VMP1: variants seen among roughly 807,000 people sequenced by gnomAD.
VMP1 encodes the protein vacuole membrane protein 1, also known as ectopic P-granules autophagy protein 3 homolog.
VMP1 carries 11 observed loss-of-function variants against 56.0 expected under a neutral mutation model. The observed-to-expected ratio is 0.20, with a 90% CI of 0.12 to 0.32. VMP1 has a LOEUF of 0.32. Ranked by LOEUF, VMP1 falls within the 10% of genes least tolerant of loss-of-function variation. The pLI, the probability that VMP1 is intolerant of heterozygous loss-of-function variation, is 1.00. For synonymous variants in VMP1, 149 were observed against 165.0 expected (o/e 0.90, Z 0.74); for missense variants, 296 against 490.3 (o/e 0.60, Z 3.74).
chr17:59,738,789 A>G (rs769712458), intron 4 of VMP1, 48 bp from the exon 5 acceptor site: 3 of 1,299,952 alleles, frequency 2.3e-6, no homozygotes, highest in Non-Finnish European at 2.2e-6. Flanking sequence ...TAAATACCGC[A>G]TTTCTGTATA....
At chr17:59,733,559 G>A (rs768321349) in intron 2 of VMP1, among the ~76,000 whole-genome samples, 20 of 152,010 alleles carry the variant, frequency 1.3e-4, no homozygotes, top group African/African-American at 3.9e-4. Context: ...AAAACTAGCC[G>A]GGCGTGGTGG....
chr17:59,830,328 G>A (rs576564279), intron 10 of VMP1, among the ~76,000 whole-genome samples: 37 of 152,234 alleles, frequency 2.4e-4, no homozygotes, highest in African/African-American at 7.7e-4. Context: ...CTCCCAAAGT[G>A]CTGGGATTAC....
intron 4 of VMP1, 60 bp from the exon 5 acceptor site, chr17:59,738,777 T>C: frequency 8.3e-7 from 1 of 1,203,600 alleles, no homozygotes; most frequent in African/African-American, 1.5e-5. Flanking sequence ...GATGATGGTT[T>C]ATAAATACCG....
chr17:59,747,774 C>A (rs1156460087), intron 5 of VMP1, among the ~76,000 whole-genome samples: 6 of 151,630 alleles, frequency 4.0e-5, no homozygotes, highest in Non-Finnish European at 8.8e-5. Flanking sequence ...GAACACCTAT[C>A]GTCCTAGCTA....
In VMP1 at chr17:59,742,191, C is replaced by T. The variant is rs543531069; in HGVS notation, c.414+3244C>T. 5.3e-5 allele frequency among the ~76,000 whole-genome samples: 8 copies of T among 152,106 alleles called. No homozygotes were observed. In the East Asian group the frequency reaches 5.8e-4, roughly 11 times the overall value. On this transcript the variant is annotated intron_variant, in intron 5 of 11. Transcript: ENST00000262291. ...AGGGAAATTTATAAAGGACTGAGAA[C>T]GCCTACAAAACAAAACAAAACAAAA...
chr17:59,777,671 G>A (rs531728996), intron 7 of VMP1, among the ~76,000 whole-genome samples: 84 of 152,180 alleles, frequency 5.5e-4, no homozygotes, highest in African/African-American at 1.9e-3. Flanking sequence ...CAAATTAGCT[G>A]GGTGTGGTCG....
chr17:59,779,428 A>G (rs770885293), intron 7 of VMP1, among the ~76,000 whole-genome samples: 7 of 152,164 alleles, frequency 4.6e-5, no homozygotes, highest in Non-Finnish European at 1.0e-4. Flanking sequence ...TTTCAGACCT[A>G]TGCCAGCCTC....
chr17:59,779,001 C>G (rs902541601), intron 7 of VMP1, among the ~76,000 whole-genome samples: 16 of 152,188 alleles, frequency 1.1e-4, no homozygotes, highest in African/African-American at 3.9e-4. Flanking sequence ...GTAATTTTGC[C>G]CAACTATGGG....
At chr17:59,819,439 G>A (rs913933742) in intron 10 of VMP1, among the ~76,000 whole-genome samples, 1 of 151,990 alleles carries the variant, frequency 6.6e-6, no homozygotes, top group African/African-American at 2.4e-5. Context: ...CACCATGCCT[G>A]GCTTCCCTTA....
chr17:59,796,041 TTTTATC>T (rs1215595033), intron 7 of VMP1, among the ~76,000 whole-genome samples: 1 of 152,160 alleles, frequency 6.6e-6, no homozygotes, highest in Non-Finnish European at 1.5e-5. Context: ...CTATAGCACT[TTTTATC>T]TTTCTTGTTT....
At chr17:59,775,961 C>T (rs952900186) in intron 7 of VMP1, among the ~76,000 whole-genome samples, 3 of 151,982 alleles carry the variant, frequency 2.0e-5, no homozygotes, top group African/African-American at 7.3e-5. Context: ...GCATTATTAC[C>T]GAGAACTTTG....
At chr17:59,742,902 T>G (rs1297065065) in intron 5 of VMP1, among the ~76,000 whole-genome samples, 1 of 152,136 alleles carries the variant, frequency 6.6e-6, no homozygotes, top group Non-Finnish European at 1.5e-5. Context: ...TGCCTGATAA[T>G]CTGAGGTGGA....
chr17:59,832,066 T>C (rs2038826145), intron 10 of VMP1, among the ~76,000 whole-genome samples: 1 of 151,916 alleles, frequency 6.6e-6, no homozygotes, highest in African/African-American at 2.4e-5. Context: ...TTTTTTAATC[T>C]TACATTTGCT....
intron 7 of VMP1, among the ~76,000 whole-genome samples, chr17:59,783,536 T>C (rs1046291215): frequency 6.6e-6 from 1 of 152,238 alleles, no homozygotes; most frequent in African/African-American, 2.4e-5. Flanking sequence ...TAGCTGTTTA[T>C]GTGCTTTGTG....
chr17:59,809,851 A>C (rs75681053), intron 8 of VMP1, among the ~76,000 whole-genome samples: 2,968 of 152,144 alleles, frequency 0.02, 56 homozygotes, highest in South Asian at 0.034. Flanking sequence ...ATAGGTTCAC[A>C]TCTTGTTTAT....
At chr17:59,795,276 A>G (rs911467893) in intron 7 of VMP1, among the ~76,000 whole-genome samples, 4 of 151,274 alleles carry the variant, frequency 2.6e-5, no homozygotes, top group African/African-American at 9.7e-5. Flanking sequence ...TGCTCGGCTG[A>G]GTTTTGTATT....
intron 7 of VMP1, among the ~76,000 whole-genome samples, chr17:59,774,424 A>G (rs924851658): frequency 6.1e-5 from 6 of 98,920 alleles, no homozygotes; most frequent in African/African-American, 1.2e-4. Context: ...AAAAAAAAAA[A>G]GAAAGAAAGA....
rs146870478 is a variant in VMP1 at position 59,795,748 on chromosome 17, A to G, written c.715-13048A>G. ...TTGCAGTAGTAATTGTGCTTATCAT[A>G]AGGTCTGATTGAGTAGATAAAATAA... On this transcript the variant is annotated intron_variant, in intron 7 of 11. Transcript: ENST00000262291. Among the ~76,000 whole-genome samples, 159 of 152,294 alleles carry G rather than the reference A, an allele frequency of 1.0e-3. 5 individuals carry two copies. The South Asian group carries it at 0.031, about 30-fold the overall frequency.
Position 59,840,873 on chromosome 17 carries a change from CCATTTCTAAAAAAAAACCA to C in VMP1, c.*965_*983del, listed in dbSNP as rs1456281251. 6.5e-6 allele frequency: 1 copy of C among 154,288 alleles called. No homozygotes were observed. The highest frequency in any genetic ancestry group is 1.4e-5 in the Non-Finnish European group (1 of 69,294). The allele number at this position is 154,288 out of a possible 1,614,324, so 9.6% of individuals were successfully genotyped here. ...AAAGGATACTGGAGAGAGAAATTAC[CCATTTCTAAAAAAAAACCA>C]CACTCTGTCGTATCTGTGTTAATGT... On this transcript the variant is annotated 3_prime_UTR_variant, in exon 12 of 12. Coordinates refer to ENST00000262291, the MANE Select transcript of VMP1 (RefSeq NM_030938.5).
Sources: gnomAD v4.1 joint callset for allele counts (sites outside exome capture counted in the v4.1 genomes callset) on GRCh38, gnomAD v4.1.1 for gene constraint, MANE v1.5 for transcripts, NCBI Gene and HGNC (gene_info 2026-07-23, HGNC 2026-07-21) for gene names.